The following SLA variants were observed in gnomAD, a reference collection of about 807,000 sequenced individuals.
SLA encodes the protein src-like-adapter.
In SLA, 16 loss-of-function variants were observed where a neutral mutation model predicts 30.3. The observed-to-expected ratio is 0.53, with a 90% CI of 0.36 to 0.80. The LOEUF (loss-of-function observed/expected upper bound fraction) is 0.80, where lower values mean the gene tolerates loss of function less well. Among genes scored for constraint, SLA ranks in the 30% least tolerant of loss-of-function variants. The pLI is 0.01. For missense variants in SLA, 310 were observed against 345.2 expected (o/e 0.90, Z 0.81); for synonymous variants, 143 against 137.8 (o/e 1.04, Z -0.26).
intron 1 of SLA, among the ~76,000 whole-genome samples, chr8:133,094,082 C>A (rs9297864): frequency 0.72 from 108,431 of 151,464 alleles, 39,233 homozygotes; most frequent in Non-Finnish European, 0.75. Context: ...AGCCCCATAG[C>A]GGATGCACCC....
At chr8:133,042,801 C>T (rs1453267038) in intron 7 of SLA, among the ~76,000 whole-genome samples, 1 of 148,292 alleles carries the variant, frequency 6.7e-6, no homozygotes, top group East Asian at 2.0e-4. Context: ...TCAAGTGATT[C>T]CCCTGCCTCA....
intron 2 of SLA, among the ~76,000 whole-genome samples, chr8:133,067,676 T>C (rs1262931049): frequency 6.6e-6 from 1 of 152,012 alleles, no homozygotes; most frequent in African/African-American, 2.4e-5. Context: ...CTCAGGAGGC[T>C]GAGGCAGGAG....
At position 133,038,591 on chromosome 8, in the gene SLA, G is replaced by A. The variant is rs774539499; in HGVS notation, c.764C>T (p.Ser255Phe). The change falls in exon 9 of 9, where the codon TCC (serine) becomes TTC (phenylalanine). Residue 255 changes from serine to phenylalanine, a missense_variant. Transcript: ENST00000338087. The part of the protein sequence containing the change: ...TSFDRKKKSI[S>F]LMYGGSKRKS... ...TCTCTTGCTGCCACCATACATCAGG[G>A]AGATGCTTTTCTTCTTTCGATCAAA... 6.2e-7 allele frequency: 1 copy of A among 1,614,162 alleles called. No individual in the cohort carries two copies. The highest frequency in any genetic ancestry group is 8.5e-7 in the Non-Finnish European group (1 of 1,179,990).
At chr8:133,050,748 A>G (rs1019993701) in intron 4 of SLA, 68 bp downstream of exon 4, 9 of 1,052,620 alleles carry the variant, frequency 8.6e-6, no homozygotes, top group Non-Finnish European at 1.3e-5. Context: ...CTAACAATCA[A>G]ATACTTTTCT....
At chr8:133,094,475 T>C (rs894867645) in intron 1 of SLA, 14 of 174,958 alleles carry the variant, frequency 8.0e-5, no homozygotes, top group East Asian at 7.1e-4. Flanking sequence ...CTCCTGACCT[T>C]GTGATCCGCC....
intron 2 of SLA, among the ~76,000 whole-genome samples, chr8:133,068,755 C>T (rs775786216): frequency 1.3e-5 from 2 of 152,206 alleles, no homozygotes; most frequent in East Asian, 1.9e-4. Flanking sequence ...CCATTCCTGA[C>T]GTGGCTTTGA....
chr8:133,080,274 C>T (rs1845548867), intron 1 of SLA, among the ~76,000 whole-genome samples: 1 of 152,158 alleles, frequency 6.6e-6, no homozygotes, highest in African/African-American at 2.4e-5. Flanking sequence ...GCAACTTGGC[C>T]TTTGCGTATG....
At chr8:133,056,140 T>C (rs1841410960) in intron 3 of SLA, among the ~76,000 whole-genome samples, 1 of 152,306 alleles carries the variant, frequency 6.6e-6, no homozygotes, top group Non-Finnish European at 1.5e-5. Flanking sequence ...TTGACAGCAC[T>C]AGTTACTTGA....
At chr8:133,044,895 C>G in intron 7 of SLA, 89 bp downstream of exon 7, 1 of 1,323,732 alleles carries the variant, frequency 7.6e-7, no homozygotes, top group Admixed American at 1.7e-5. Flanking sequence ...TAAGCAAGAC[C>G]CCTCTGCATT....
At chr8:133,080,046 T>C (rs1845506999) in intron 1 of SLA, among the ~76,000 whole-genome samples, 1 of 152,082 alleles carries the variant, frequency 6.6e-6, no homozygotes. Flanking sequence ...GAGAAATAAA[T>C]GAGTAAAGTC....
chr8:133,074,620 T>A lies in SLA; in HGVS notation c.-41+233A>T, dbSNP rs2739156. ...GGCGAGAATGTCTCCTCTGGCAGCA[T>A]CCTGCCCCTGCTCCTCCAGCCCTTC... is the stretch of plus-strand genomic sequence containing the variant. On this transcript the variant is annotated intron_variant, in intron 2 of 8. Coordinates refer to ENST00000338087, the MANE Select transcript of SLA (RefSeq NM_001045556.3). 0.24 allele frequency among the ~76,000 whole-genome samples: 37,233 copies of A among 152,150 alleles called. 5,450 individuals carry two copies. Among genetic ancestry groups the A allele is most frequent in the East Asian group, 0.54 (2,798 of 5,162 alleles).
In SLA at chr8:133,091,873, CTGTG is replaced by C. The variant is rs1455154833; in HGVS notation, c.-319+10676_-319+10679del. Reference sequence around the variant, plus strand: ...TGTCTGTGTGTGTAAGTGTGTATCTCTGTGTGAGTGTGTCTCTATCTATGACTGT... The same window carrying C: ...TGTCTGTGTGTGTAAGTGTGTATCTCTGAGTGTGTCTCTATCTATGACTGT... On this transcript the variant is annotated intron_variant, in intron 1 of 8. Coordinates refer to ENST00000338087, the MANE Select transcript of SLA (RefSeq NM_001045556.3). 5.3e-5 allele frequency among the ~76,000 whole-genome samples: 8 copies of C among 151,798 alleles called. No homozygotes were observed. In the East Asian group the frequency reaches 1.5e-3, roughly 29 times the overall value.
In SLA at chr8:133,095,715, C is replaced by A. The variant is rs139112431; in HGVS notation, c.-319+6838G>T. On this transcript the variant is annotated intron_variant, in intron 1 of 8. Transcript: ENST00000338087. The stretch of plus-strand genomic sequence containing the variant: ...AGACCAAATCTCTGGCTGGCCTTCA[C>A]ATTAATGAAGGGGACATTAGCAGGA... Among the ~76,000 whole-genome samples, 195 of 152,358 alleles carry A rather than the reference C, an allele frequency of 1.3e-3. 1 individual carries two copies. Among genetic ancestry groups the A allele is most frequent in the African/African-American group, 4.6e-3 (191 of 41,582 alleles).
intron 7 of SLA, among the ~76,000 whole-genome samples, chr8:133,044,295 A>G (rs1838881381): frequency 1.3e-5 from 2 of 151,990 alleles, no homozygotes; most frequent in East Asian, 3.9e-4. Context: ...GCAGTATCCT[A>G]CACTCTTCCA....
At chr8:133,063,669 C>CA (rs1393609318) in intron 2 of SLA, 1 of 152,214 alleles carries the variant, frequency 6.6e-6, no homozygotes, top group Admixed American at 6.5e-5. Context: ...CTTGCACTCC[C>CA]ACCCGTTCTG....
chr8:133,065,693 C>T (rs576801122), intron 2 of SLA, among the ~76,000 whole-genome samples: 1 of 151,788 alleles, frequency 6.6e-6, no homozygotes. Context: ...ACCCAGTGGG[C>T]GGAGGTGGCA....
rs2131469782 is a variant in SLA at position 133,075,011 on chromosome 8, A to C, written c.-199T>G. 1.0e-6 allele frequency: 1 copy of C among 985,452 alleles called. No homozygotes were observed. The highest frequency in any genetic ancestry group is 1.2e-6 in the Non-Finnish European group (1 of 829,938). The allele number at this position is 985,452 out of a possible 1,614,324, so 61.0% of individuals were successfully genotyped here. On this transcript the variant is annotated 5_prime_UTR_variant, in exon 2 of 9. Coordinates refer to ENST00000338087, the MANE Select transcript of SLA (RefSeq NM_001045556.3). The stretch of plus-strand genomic sequence containing the variant: ...GAAGCAGCCCATGCTACACAGAAGA[A>C]CTGCAGTTGCTAAACTGGCCGCATA...
chr8:133,038,635 G>C lies in SLA; in HGVS notation c.720C>G (p.Thr240=), dbSNP rs1195320865. The part of the protein sequence containing the change: ...RESIASYLSL[T]SEDNTSFDRK... The stretch of plus-strand genomic sequence containing the variant: ...GATCAAAGGAGGTGTTGTCCTCACT[G>C]GTCAGGGACAGGTAAGAGGCAATGC... Residue 240 remains threonine, a synonymous_variant, in exon 9 of 9, where the codon ACC becomes ACG. Coordinates refer to ENST00000338087, the MANE Select transcript of SLA (RefSeq NM_001045556.3). The C allele has an allele frequency of 4.3e-6, 7 of 1,613,722 alleles. No homozygotes were observed. Among genetic ancestry groups the C allele is most frequent in the Non-Finnish European group, 5.1e-6 (6 of 1,179,624 alleles).
chr8:133,089,923 C>T (rs1465091864), intron 1 of SLA: 2 of 152,166 alleles, frequency 1.3e-5, no homozygotes, highest in Admixed American at 6.5e-5. Flanking sequence ...TCTGGGCCAC[C>T]CTAGTGCCCA....
Sources: gnomAD v4.1 joint callset for allele counts (sites outside exome capture counted in the v4.1 genomes callset) on GRCh38, gnomAD v4.1.1 for gene constraint, MANE v1.5 for transcripts, NCBI Gene and HGNC (gene_info 2026-07-23, HGNC 2026-07-21) for gene names.